BAZ2B: variants seen among roughly 807,000 people sequenced by gnomAD.
BAZ2B encodes bromodomain adjacent to zinc finger domain protein 2B.
BAZ2B carries 91 observed loss-of-function variants against 246.0 expected under a neutral mutation model. The observed-to-expected ratio is 0.37, with a 90% CI of 0.31 to 0.44. The LOEUF is 0.44. Among genes scored for constraint, BAZ2B ranks in the 20% least tolerant of loss-of-function variants. The pLI, the probability that BAZ2B is intolerant of heterozygous loss-of-function variation, is 1.00. For synonymous variants in BAZ2B, 855 were observed against 860.0 expected, an observed-to-expected ratio of 0.99 and a Z score of 0.10; for missense variants, 2,332 against 2,533.7, an observed-to-expected ratio of 0.92 and a Z score of 1.71.
the BAZ2B span, among the ~76,000 whole-genome samples, chr2:159,663,568 G>A: frequency 1.3e-5 from 2 of 149,456 alleles, no homozygotes; most frequent in African/African-American, 2.5e-5. Flanking sequence ...AGGCTGGAAT[G>A]CAATGGCGTG....
the BAZ2B span, among the ~76,000 whole-genome samples, chr2:159,666,257 CTTTT>C: frequency 1.9e-4 from 18 of 94,176 alleles, no homozygotes; most frequent in African/African-American, 2.5e-4. Flanking sequence ...TTTTATGATT[CTTTT>C]TTTTTTTTTT....
At chr2:159,365,164 A>T (rs2060091706) in intron 27 of BAZ2B, among the ~76,000 whole-genome samples, 1 of 152,190 alleles carries the variant, frequency 6.6e-6, no homozygotes, top group Admixed American at 6.5e-5. Flanking sequence ...AGCTGCTGGC[A>T]TTCTACAATG....
chr2:159,541,845 A>G (rs78434414), intron 2 of BAZ2B, among the ~76,000 whole-genome samples: 4,684 of 152,216 alleles, frequency 0.031, 242 homozygotes, highest in African/African-American at 0.11. Context: ...GGCATTTCTT[A>G]TAGGCAGGTT....
At chr2:159,617,233 C>G (rs897232972), upstream of BAZ2B, among the ~76,000 whole-genome samples, 2 of 151,984 alleles carry the variant, frequency 1.3e-5, no homozygotes, top group African/African-American at 2.4e-5. Context: ...ACTGGTAGCC[C>G]TTTGCTCCTT....
At chr2:159,544,291 C>T (rs1448626919) in intron 2 of BAZ2B, among the ~76,000 whole-genome samples, 2 of 152,048 alleles carry the variant, frequency 1.3e-5, no homozygotes, top group African/African-American at 2.4e-5. Context: ...TAATTTACTA[C>T]AGGTCAAAAG....
Position 159,397,356 on chromosome 2 carries a change from G to T in BAZ2B, c.2998C>A (p.Leu1000Met). ...KEMRRQQAVLLKHQERERRRQ... is the reference protein window; with the variant it reads ...KEMRRQQAVLMKHQERERRRQ... The stretch of plus-strand genomic sequence containing the variant: ...ATACATATACAGACCTGATGTTTCA[G>T]AAGAACAGCTTGTTGTCTTCTCATT... The change falls in exon 19 of 37, where the codon CTG becomes ATG. Residue 1000 changes from leucine to methionine, a missense_variant. Transcript: ENST00000392783. 6.4e-7 allele frequency: 1 copy of T among 1,551,028 alleles called. No homozygotes were observed. Among genetic ancestry groups the T allele is most frequent in the South Asian group, 1.2e-5 (1 of 83,406 alleles).
intron 1 of BAZ2B, among the ~76,000 whole-genome samples, chr2:159,565,965 C>T (rs12616460): frequency 6.6e-6 from 1 of 152,070 alleles, no homozygotes; most frequent in East Asian, 1.9e-4. Context: ...AGAAACAATA[C>T]TATTTGGTAA....
chr2:159,374,846 G>T, intron 25 of BAZ2B, 93 bp from the exon 26 acceptor site: 1 of 1,055,032 alleles, frequency 9.5e-7, no homozygotes, highest in Non-Finnish European at 1.4e-6. Flanking sequence ...TAGGCACTGC[G>T]GAAAGGTATT....
At position 159,412,451 on chromosome 2, in the gene BAZ2B, T is replaced by A. The variant is rs776543633; in HGVS notation, c.2561A>T (p.Gln854Leu). The A allele has an allele frequency of 3.1e-6, 5 of 1,614,154 alleles. No individual in the cohort carries two copies. In the East Asian group the frequency reaches 1.1e-4, roughly 36 times the overall value. The change falls in exon 14 of 37, where the codon CAA (glutamine) becomes CTA (leucine). Residue 854 changes from glutamine (Q) to leucine (L), a missense_variant. Gln to Leu is a moderately radical substitution (Grantham distance 113). This residue lies in a region of BAZ2B where 651 missense variants were observed against 650.9 expected (regional missense o/e 1.00). Transcript: ENST00000392783. ...CATCCTGGATTCCTCTCTTGCTCGT[T>A]GTCTATCTGGATTTGGTGGTCTTCC... ...RRGRPPNPDR[Q>L]RAREESRMRR...
chr2:159,610,760 T>C (rs1694550103), intron 1 of BAZ2B, among the ~76,000 whole-genome samples: 1 of 152,168 alleles, frequency 6.6e-6, no homozygotes, highest in Non-Finnish European at 1.5e-5. Flanking sequence ...TAAAGCGTTA[T>C]CTTTTAAAAC....
Position 159,337,791 on chromosome 2 carries a change from G to C in BAZ2B, c.5455-19C>G. 2.5e-6 allele frequency: 4 copies of C among 1,601,432 alleles called. No individual in the cohort carries two copies. Among genetic ancestry groups the C allele is most frequent in the Non-Finnish European group, 3.4e-6 (4 of 1,171,026 alleles). ...TCCAACCCTATATATCAAGAGAATA[G>C]TGTTATTATGGTTTCCTCTTAAAAT... On this transcript the variant is annotated intron_variant, in intron 31 of 36. Transcript: ENST00000392783.
intron 33 of BAZ2B, among the ~76,000 whole-genome samples, chr2:159,333,729 A>G (rs1236812266): frequency 6.6e-6 from 1 of 152,174 alleles, no homozygotes; most frequent in East Asian, 1.9e-4. Context: ...TTTTCAATGC[A>G]ACATTATATC....
At chr2:159,565,794 G>GGA (rs1553720931) in intron 1 of BAZ2B, among the ~76,000 whole-genome samples, 16 of 116,524 alleles carry the variant, frequency 1.4e-4, no homozygotes, top group Admixed American at 1.8e-4. Context: ...AAAAAAAAAG[G>GGA]AAAAAAAAAA....
chr2:159,539,390 A>C (rs1442285991), intron 2 of BAZ2B, among the ~76,000 whole-genome samples: 1 of 152,268 alleles, frequency 6.6e-6, no homozygotes, highest in Non-Finnish European at 1.5e-5. Context: ...CAAATAATTT[A>C]GGGGCAACAC....
At chr2:159,690,229 A>C in the BAZ2B span, 1 of 416,238 alleles carries the variant, frequency 2.4e-6, no homozygotes. Flanking sequence ...CTTTCACATT[A>C]TATCAATCTT....
At chr2:159,682,695 T>C in the BAZ2B span, among the ~76,000 whole-genome samples, 1 of 152,216 alleles carries the variant, frequency 6.6e-6, no homozygotes, top group Non-Finnish European at 1.5e-5. Context: ...AGAATGCTGA[T>C]TATTTCATAT....
At chr2:159,517,752 T>C (rs1035541818) in intron 2 of BAZ2B, among the ~76,000 whole-genome samples, 2 of 152,168 alleles carry the variant, frequency 1.3e-5, no homozygotes, top group African/African-American at 4.8e-5. Flanking sequence ...GCCAAGGGTA[T>C]AGAATCTCAG....
intron 2 of BAZ2B, among the ~76,000 whole-genome samples, chr2:159,500,701 C>G (rs533725043): frequency 8.5e-5 from 13 of 152,068 alleles, no homozygotes; most frequent in Non-Finnish European, 1.9e-4. Flanking sequence ...TGCCTGTAAT[C>G]CCAACACTTT....
chr2:159,483,239 C>T (rs2079443039), intron 2 of BAZ2B, among the ~76,000 whole-genome samples: 1 of 152,020 alleles, frequency 6.6e-6, no homozygotes, highest in South Asian at 2.1e-4. Flanking sequence ...TCTCTGTCAC[C>T]CAGGCTGGAG....
Sources: allele counts gnomAD v4.1 joint callset (sites outside exome capture counted in the v4.1 genomes callset), GRCh38; gene constraint gnomAD v4.1.1; regional missense constraint gnomAD v4.1.1; transcripts MANE v1.5; gene names NCBI Gene and HGNC (gene_info 2026-07-23, HGNC 2026-07-21).